Variants in MALRD1 observed in about 807,000 individuals in gnomAD.
The protein encoded by MALRD1 is MAM and LDL-receptor class A domain-containing protein 1.
In MALRD1, 247 loss-of-function variants were observed where a neutral mutation model predicts 242.1. That is an observed-to-expected ratio of 1.02 (90% CI 0.92 to 1.13). The LOEUF is 1.13. MALRD1 is among the 50% of genes most tolerant of loss of function. The pLI, the probability that MALRD1 is intolerant of heterozygous loss-of-function variation, is 0.00. For missense variants in MALRD1, 2,989 were observed against 2,533.1 expected (o/e 1.18, Z -3.86); for synonymous variants, 995 against 866.6 (o/e 1.15, Z -2.60).
At chr10:19,513,610 G>C (rs1173446814) in intron 31 of MALRD1, among the ~76,000 whole-genome samples, 1 of 151,878 alleles carries the variant, frequency 6.6e-6, no homozygotes, top group South Asian at 2.1e-4. Context: ...GTGGTAGCGG[G>C]TGCCTGTAGC....
At chr10:19,121,437 G>A (rs1837061578) in intron 5 of MALRD1, among the ~76,000 whole-genome samples, 1 of 152,192 alleles carries the variant, frequency 6.6e-6, no homozygotes, top group African/African-American at 2.4e-5. Flanking sequence ...ATAGGTTCAA[G>A]AGAGAATAGG....
chr10:19,315,475 A>G (rs180994317), intron 21 of MALRD1, among the ~76,000 whole-genome samples: 43 of 72,712 alleles, frequency 5.9e-4, no homozygotes, highest in South Asian at 1.1e-3. Flanking sequence ...ATAAATATAT[A>G]ACTATAATTT....
At chr10:19,593,590 G>C (rs960167287) in intron 33 of MALRD1, among the ~76,000 whole-genome samples, 2 of 152,014 alleles carry the variant, frequency 1.3e-5, no homozygotes, top group Non-Finnish European at 2.9e-5. Context: ...TGAGTCCCTC[G>C]TTAACTAGCA....
At chr10:19,732,172 A>G (rs923012390) in intron 39 of MALRD1, among the ~76,000 whole-genome samples, 6 of 152,234 alleles carry the variant, frequency 3.9e-5, no homozygotes, top group Admixed American at 1.3e-4. Context: ...ACACATACAC[A>G]TTTAAGAAAA....
chr10:19,684,176 A>G (rs748253710), intron 36 of MALRD1, among the ~76,000 whole-genome samples: 19 of 152,166 alleles, frequency 1.2e-4, no homozygotes, highest in Non-Finnish European at 2.1e-4. Context: ...TGGTCAACAG[A>G]GCCAAAGTTG....
At chr10:19,453,789 T>G (rs552181728) in intron 29 of MALRD1, among the ~76,000 whole-genome samples, 1 of 152,144 alleles carries the variant, frequency 6.6e-6, no homozygotes, top group South Asian at 2.1e-4. Context: ...GGCATGAGAA[T>G]TGCCTGAACC....
chr10:19,112,902 T>C (rs569857558), intron 5 of MALRD1, among the ~76,000 whole-genome samples: 1 of 152,342 alleles, frequency 6.6e-6, no homozygotes, highest in East Asian at 1.9e-4. Flanking sequence ...TCATTGGCAG[T>C]TGTTTTTTCT....
intron 31 of MALRD1, among the ~76,000 whole-genome samples, chr10:19,514,944 C>A (rs746867946): frequency 2.0e-4 from 31 of 151,872 alleles, no homozygotes; most frequent in Non-Finnish European, 4.0e-4. Flanking sequence ...AAAATAATTC[C>A]CTTCTAATTG....
At chr10:19,689,382 T>C (rs1257699645) in intron 36 of MALRD1, among the ~76,000 whole-genome samples, 4 of 152,146 alleles carry the variant, frequency 2.6e-5, no homozygotes, top group African/African-American at 9.7e-5. Context: ...GTAATTTCCT[T>C]GACACTTCAA....
At chr10:19,136,441 A>G (rs1314271675) in intron 9 of MALRD1, 133 bp from the exon 10 acceptor site, 1 of 434,556 alleles carries the variant, frequency 2.3e-6, no homozygotes, top group Non-Finnish European at 3.8e-6. Flanking sequence ...TCAAACAGGA[A>G]CTTTGTTATA....
At chr10:19,723,786 C>A (rs914683760) in intron 38 of MALRD1, among the ~76,000 whole-genome samples, 2 of 151,834 alleles carry the variant, frequency 1.3e-5, no homozygotes, top group African/African-American at 2.4e-5. Flanking sequence ...GCTAAGTTTT[C>A]TTTGAGTATT....
At chr10:19,236,933 C>G (rs1358201663) in intron 18 of MALRD1, among the ~76,000 whole-genome samples, 2 of 151,908 alleles carry the variant, frequency 1.3e-5, no homozygotes. Flanking sequence ...AAGAACAAAG[C>G]TCCTAAACTT....
At chr10:19,187,074 A>G (rs923851441) in intron 14 of MALRD1, among the ~76,000 whole-genome samples, 1 of 152,216 alleles carries the variant, frequency 6.6e-6, no homozygotes, top group African/African-American at 2.4e-5. Flanking sequence ...ATAATAATTT[A>G]GTTAATTTAT....
intron 14 of MALRD1, among the ~76,000 whole-genome samples, chr10:19,191,693 A>C (rs777296530): frequency 3.9e-5 from 6 of 152,172 alleles, no homozygotes; most frequent in Non-Finnish European, 8.8e-5. Context: ...ATACACTACA[A>C]AGTGAATAAA....
chr10:19,624,202 G>A (rs5016619), intron 36 of MALRD1, among the ~76,000 whole-genome samples: 8,632 of 152,094 alleles, frequency 0.057, 713 homozygotes, highest in African/African-American at 0.19. Context: ...GAAAATACAT[G>A]TCCATAAGGC....
intron 27 of MALRD1, chr10:19,389,092 T>C: frequency 5.5e-6 from 2 of 362,566 alleles, no homozygotes; most frequent in East Asian, 7.2e-5. Context: ...AAGCAGACCA[T>C]ATCACTCTTT....
chr10:19,101,256 A>G (rs918904281), intron 4 of MALRD1, among the ~76,000 whole-genome samples: 1 of 146,442 alleles, frequency 6.8e-6, no homozygotes, highest in Non-Finnish European at 1.5e-5. Context: ...ATACATATAT[A>G]TATATTCAAA....
intron 28 of MALRD1, among the ~76,000 whole-genome samples, chr10:19,414,358 T>C (rs1417371795): frequency 6.6e-6 from 1 of 152,104 alleles, no homozygotes; most frequent in Non-Finnish European, 1.5e-5. Context: ...TTAAAAAATA[T>C]ATTGTTAAGT....
chr10:19,665,828 G>A (rs991421836), intron 36 of MALRD1, among the ~76,000 whole-genome samples: 2 of 151,712 alleles, frequency 1.3e-5, no homozygotes, highest in Middle Eastern at 3.4e-3. Flanking sequence ...GTGTCCCTTG[G>A]ATCTCCGGCT....
Sources: gnomAD v4.1 joint callset for allele counts (sites outside exome capture counted in the v4.1 genomes callset) on GRCh38, gnomAD v4.1.1 for gene constraint, MANE v1.5 for transcripts, NCBI Gene and HGNC (gene_info 2026-07-23, HGNC 2026-07-21) for gene names.